The following ARHGEF12 variants were observed in gnomAD, a reference collection of about 807,000 sequenced individuals.
ARHGEF12 encodes the protein Rho guanine nucleotide exchange factor 12, also known as KMT2A/ARHGEF12 fusion protein.
ARHGEF12 carries 66 observed loss-of-function variants against 211.2 expected under a neutral mutation model. The ratio of observed to expected loss-of-function variants is 0.31; its 90% confidence interval spans 0.26 to 0.38. The LOEUF (loss-of-function observed/expected upper bound fraction) is 0.38, where lower values mean the gene tolerates loss of function less well. Among genes scored for constraint, ARHGEF12 ranks in the 10% least tolerant of loss-of-function variants. The pLI is 1.00. For synonymous variants in ARHGEF12, 592 were observed against 638.4 expected (o/e 0.93, Z 1.09); for missense variants, 1,429 against 1,869.5 (o/e 0.76, Z 4.34).
chr11:120,406,760 G>T (rs1944717218), intron 2 of ARHGEF12, among the ~76,000 whole-genome samples: 1 of 152,120 alleles, frequency 6.6e-6, no homozygotes, highest in African/African-American at 2.4e-5. Flanking sequence ...GAGTTTCACT[G>T]TGTTAGCCAG....
intron 1 of ARHGEF12, among the ~76,000 whole-genome samples, chr11:120,357,014 GT>G (rs1012647057): frequency 1.4e-3 from 203 of 144,422 alleles, no homozygotes; most frequent in African/African-American, 4.3e-3. Context: ...AACCTGCACT[GT>G]TTTTTTTTTT....
chr11:120,480,520 G>GGTGTGT lies in ARHGEF12; in HGVS notation c.4237+105_4237+110dup, dbSNP rs143487914. The stretch of plus-strand genomic sequence containing the variant: ...GAAATGGATGTTGTATTGGTATCCA[G>GGTGTGT]GTGTGTGTGTGTGTGTGTGTTCACA... On this transcript the variant is annotated intron_variant, in intron 38 of 40. Coordinates refer to ENST00000397843, the MANE Select transcript of ARHGEF12 (RefSeq NM_015313.3). 2.2e-5 allele frequency: 23 copies of GGTGTGT among 1,040,380 alleles called. No individual in the cohort carries two copies. The Admixed American group carries it at 2.8e-4, about 13-fold the overall frequency. 64.4% of individuals were successfully genotyped at this position (1,040,380 alleles called of 1,614,324 possible).
rs370324933 is a variant in ARHGEF12 at position 120,418,152 on chromosome 11, A to T, written c.200-2601A>T. On this transcript the variant is annotated intron_variant, in intron 4 of 40. Coordinates refer to ENST00000397843, the MANE Select transcript of ARHGEF12 (RefSeq NM_015313.3). ...ACAAATGACTATGCATACTCATGTA[A>T]ACATTATCTTAAGAAACAGAACATT... Among the ~76,000 whole-genome samples, 90 of 152,348 alleles carry T rather than the reference A, an allele frequency of 5.9e-4. 1 individual carries two copies. The highest frequency in any genetic ancestry group is 2.1e-3 in the African/African-American group (88 of 41,576).
chr11:120,374,154 A>C (rs575401288), intron 1 of ARHGEF12, among the ~76,000 whole-genome samples: 108 of 152,316 alleles, frequency 7.1e-4, no homozygotes, highest in African/African-American at 2.6e-3. Context: ...CTTTCCATCT[A>C]GTGGCTGGTT....
At position 120,406,139 on chromosome 11, in the gene ARHGEF12, A is replaced by G. The variant is rs1352648258; in HGVS notation, c.54A>G (p.Ile18Met). ...TCAGGTTTCCCCTCAAAAAACCTAT[A>G]AGGTAAGTTTGCTCAATTACACTTC... The part of the protein sequence containing the change: ...ITDRFPLKKP[I>M]RHGSILNRES... Residue 18 changes from isoleucine (I) to methionine (M), a missense_variant and splice_region_variant, in exon 2 of 41, where the codon ATA (isoleucine) becomes ATG (methionine). Coordinates refer to ENST00000397843, the MANE Select transcript of ARHGEF12 (RefSeq NM_015313.3). 1.3e-6 allele frequency: 2 copies of G among 1,534,662 alleles called. No homozygotes were observed. Among genetic ancestry groups the G allele is most frequent in the Middle Eastern group, 1.7e-4 (1 of 5,864 alleles).
In ARHGEF12 at chr11:120,337,093, T is replaced by G; in HGVS notation, c.-151T>G. 1.1e-6 allele frequency: 1 copy of G among 870,514 alleles called. No individual in the cohort carries two copies. Among genetic ancestry groups the G allele is most frequent in the Non-Finnish European group, 1.9e-6 (1 of 537,906 alleles). The allele number at this position is 870,514 out of a possible 1,614,324, so 53.9% of individuals were successfully genotyped here. On this transcript the variant is annotated 5_prime_UTR_variant, in exon 1 of 41. Coordinates refer to ENST00000397843, the MANE Select transcript of ARHGEF12 (RefSeq NM_015313.3). Reference sequence around the variant, plus strand: ...AGCCGCATCCGTTGACCCCTTACAGTCGGATGGTCTAGATGACTGAATGGA... The same window carrying G: ...AGCCGCATCCGTTGACCCCTTACAGGCGGATGGTCTAGATGACTGAATGGA...
At chr11:120,399,343 A>AAAAAAAG (rs1944489493) in intron 1 of ARHGEF12, among the ~76,000 whole-genome samples, 1 of 147,718 alleles carries the variant, frequency 6.8e-6, no homozygotes, top group African/African-American at 2.5e-5. Context: ...AAAAAAAAAA[A>AAAAAAAG]AAAAAAAAGA....
intron 27 of ARHGEF12, among the ~76,000 whole-genome samples, 188 bp downstream of exon 27, chr11:120,460,945 C>T (rs1280725085): frequency 6.6e-6 from 1 of 152,172 alleles, no homozygotes; most frequent in African/African-American, 2.4e-5. Flanking sequence ...AAGAAGCAGA[C>T]CCTTATCCAT....
At chr11:120,474,476 CT>C (rs1946966647) in intron 31 of ARHGEF12, 83 bp from the exon 32 acceptor site, 1 of 862,842 alleles carries the variant, frequency 1.2e-6, no homozygotes, top group Non-Finnish European at 1.7e-6. Context: ...TTAAGAATTT[CT>C]TTAAAAGAGA....
In ARHGEF12 at chr11:120,480,506, T is replaced by C. The variant is rs1947202598; in HGVS notation, c.4237+76T>C. 2.9e-6 allele frequency: 4 copies of C among 1,384,164 alleles called. No individual in the cohort carries two copies. The Admixed American group carries it at 6.2e-5, about 21-fold the overall frequency. 85.7% of individuals were successfully genotyped at this position (1,384,164 alleles called of 1,614,324 possible). On this transcript the variant is annotated intron_variant, in intron 38 of 40. Coordinates refer to ENST00000397843, the MANE Select transcript of ARHGEF12 (RefSeq NM_015313.3). ...CTGTCCTGTATTTTGAAATGGATGT[T>C]GTATTGGTATCCAGGTGTGTGTGTG...
chr11:120,451,758 A>C (rs773605716), intron 22 of ARHGEF12, 34 bp downstream of exon 22: 16 of 1,578,794 alleles, frequency 1.0e-5, no homozygotes, highest in Non-Finnish European at 1.3e-5. Context: ...TTAACTAAGC[A>C]TCAAGATTTT....
intron 1 of ARHGEF12, among the ~76,000 whole-genome samples, chr11:120,378,960 A>G (rs1005208162): frequency 3.3e-5 from 5 of 152,252 alleles, no homozygotes; most frequent in Admixed American, 3.3e-4. Flanking sequence ...TTCCATATGA[A>G]TGTTAGAGTC....
intron 1 of ARHGEF12, among the ~76,000 whole-genome samples, chr11:120,379,083 T>C (rs1943808143): frequency 6.6e-6 from 1 of 152,190 alleles, no homozygotes; most frequent in Admixed American, 6.5e-5. Flanking sequence ...TCCATTGGCA[T>C]AATCTTTCTC....
chr11:120,484,695 G>A (rs1048804624), intron 40 of ARHGEF12, among the ~76,000 whole-genome samples, 188 bp downstream of exon 40: 47 of 152,324 alleles, frequency 3.1e-4, no homozygotes, highest in African/African-American at 1.1e-3. Context: ...TCTCTAAGAG[G>A]AACTGCAGTT....
intron 12 of ARHGEF12, among the ~76,000 whole-genome samples, chr11:120,437,992 G>C (rs1242062720): frequency 6.6e-6 from 1 of 152,192 alleles, no homozygotes; most frequent in African/African-American, 2.4e-5. Flanking sequence ...TGGGTACTTA[G>C]ATTGCTTCCA....
Position 120,460,768 on chromosome 11 carries a change from T to C in ARHGEF12, c.2613+11T>C. On this transcript the variant is annotated intron_variant, in intron 27 of 40. Coordinates refer to ENST00000397843, the MANE Select transcript of ARHGEF12 (RefSeq NM_015313.3). The stretch of plus-strand genomic sequence containing the variant: ...GATTTGCTGACATGGGTAAGGAAAT[T>C]TTCTGTTTCTTTTTAATATTTTTAT... The C allele has an allele frequency of 6.2e-7, 1 of 1,605,414 alleles. No individual in the cohort carries two copies.
Position 120,440,046 on chromosome 11 carries a change from T to A in ARHGEF12, c.1000-83T>A, listed in dbSNP as rs143404046. 2.5e-3 allele frequency: 2,345 copies of A among 934,744 alleles called. 7 individuals carry two copies. Among genetic ancestry groups the A allele is most frequent in the Non-Finnish European group, 2.9e-3 (1,701 of 590,668 alleles). The allele number at this position is 934,744 out of a possible 1,614,324, so 57.9% of individuals were successfully genotyped here. On this transcript the variant is annotated intron_variant, in intron 12 of 40. Coordinates refer to ENST00000397843, the MANE Select transcript of ARHGEF12 (RefSeq NM_015313.3). ...AATCTCACCATTTAAGTGAACCATG[T>A]CTTTTTGATGGGTTGGCTTTATTCT...
chr11:120,483,051 T>C (rs1274199103), intron 39 of ARHGEF12, among the ~76,000 whole-genome samples: 1 of 152,208 alleles, frequency 6.6e-6, no homozygotes, highest in Non-Finnish European at 1.5e-5. Flanking sequence ...GAGAAATTCA[T>C]CATTAGGCAT....
intron 1 of ARHGEF12, among the ~76,000 whole-genome samples, chr11:120,351,440 T>C (rs1439115229): frequency 2.2e-4 from 1 of 4,640 alleles, no homozygotes; most frequent in Non-Finnish European, 3.2e-4. Flanking sequence ...TATATATATA[T>C]ATATATATAT....
Sources: gnomAD v4.1 joint callset for allele counts (sites outside exome capture counted in the v4.1 genomes callset) on GRCh38, gnomAD v4.1.1 for gene constraint, MANE v1.5 for transcripts, NCBI Gene and HGNC (gene_info 2026-07-23, HGNC 2026-07-21) for gene names.